Variants in KIF9 observed in about 807,000 individuals in gnomAD.
The protein encoded by KIF9 is kinesin-like protein KIF9.
In KIF9, 68 loss-of-function variants were observed where a neutral mutation model predicts 94.8. The observed-to-expected ratio is 0.72, with a 90% CI of 0.59 to 0.88. The LOEUF is 0.88. Ranked by LOEUF, KIF9 falls within the 40% of genes least tolerant of loss-of-function variation. The probability of loss-of-function intolerance (pLI) is 0.00; values close to 1 mark genes in which losing one functional copy is unlikely to be tolerated. For missense variants in KIF9, 882 were observed against 982.5 expected (o/e 0.90, Z 1.37); for synonymous variants, 343 against 362.1 (o/e 0.95, Z 0.60).
intron 1 of KIF9, among the ~76,000 whole-genome samples, chr3:47,279,097 G>A (rs1466223270): frequency 6.6e-6 from 1 of 150,830 alleles, no homozygotes; most frequent in Non-Finnish European, 1.5e-5. Flanking sequence ...GGAAGCTGAG[G>A]CTGCAGTTAG....
rs144003933 is a variant in KIF9, at chr3:47,239,103, G to A, written c.1924+1698C>T. ...TAATCGCAGCTACTTGGGAGGCTGAGGCAGCAGAATCACTTGAACCCAGGA... is the reference window on the plus strand; with the variant it reads ...TAATCGCAGCTACTTGGGAGGCTGAAGCAGCAGAATCACTTGAACCCAGGA... On this transcript the variant is annotated intron_variant, in intron 17 of 20. Coordinates refer to ENST00000684063, the MANE Select transcript of KIF9 (RefSeq NM_182902.4). Among the ~76,000 whole-genome samples the A allele has an allele frequency of 6.8e-3, 1,031 of 152,300 alleles. 14 individuals carry two copies. Among genetic ancestry groups the A allele is most frequent in the African/African-American group, 0.023 (972 of 41,568 alleles).
intron 10 of KIF9, chr3:47,248,346 C>A: frequency 2.1e-6 from 1 of 465,764 alleles, no homozygotes; most frequent in Non-Finnish European, 3.8e-6. Context: ...ACAGCACAAG[C>A]CACACAGCCA....
chr3:47,276,696 C>T (rs548490137), intron 2 of KIF9, among the ~76,000 whole-genome samples: 2 of 152,256 alleles, frequency 1.3e-5, no homozygotes, highest in African/African-American at 2.4e-5. Context: ...CTTTTCTGAC[C>T]GCTAGGACCT....
chr3:47,275,428 G>C lies in KIF9; in HGVS notation c.156C>G (p.Asp52Glu). ...RRGVVNNQQT[D>E]WSFKLDGVLH... Reference sequence around the variant, plus strand: ...GAACTCCATCCAACTTAAACGACCAGTCTGTCTGTTGGTTATTGACAACTC... The same window carrying C: ...GAACTCCATCCAACTTAAACGACCACTCTGTCTGTTGGTTATTGACAACTC... Residue 52 changes from aspartate (D) to glutamate (E), a missense_variant, in exon 3 of 21, where the codon GAC becomes GAG. Coordinates refer to ENST00000684063, the MANE Select transcript of KIF9 (RefSeq NM_182902.4). 6.2e-7 allele frequency: 1 copy of C among 1,613,146 alleles called. No individual in the cohort carries two copies. Among genetic ancestry groups the C allele is most frequent in the Non-Finnish European group, 8.5e-7 (1 of 1,179,200 alleles).
intron 9 of KIF9, among the ~76,000 whole-genome samples, chr3:47,261,828 C>T (rs1295127998): frequency 1.3e-5 from 2 of 152,206 alleles, no homozygotes; most frequent in Admixed American, 1.3e-4. Flanking sequence ...CTATGCAGGG[C>T]CAAGTCAGAC....
At chr3:47,265,927 C>T in intron 7 of KIF9, 50 bp from the exon 8 acceptor site, 2 of 1,600,784 alleles carry the variant, frequency 1.2e-6, no homozygotes, top group South Asian at 1.1e-5. Flanking sequence ...GCAGCTGCCC[C>T]ACTAAGAATA....
At chr3:47,266,249 C>T (rs1197676863) in intron 7 of KIF9, among the ~76,000 whole-genome samples, 1 of 152,188 alleles carries the variant, frequency 6.6e-6, no homozygotes, top group Non-Finnish European at 1.5e-5. Context: ...AATGCACATA[C>T]AAATGCTCAT....
At chr3:47,239,993 T>C in intron 17 of KIF9, 1 of 1,303,420 alleles carries the variant, frequency 7.7e-7, no homozygotes, top group Non-Finnish European at 1.0e-6. Flanking sequence ...AGAGTTGGAA[T>C]GGTCACTCAC....
intron 10 of KIF9, among the ~76,000 whole-genome samples, chr3:47,256,635 G>A (rs1257796748): frequency 6.6e-6 from 1 of 152,224 alleles, no homozygotes; most frequent in African/African-American, 2.4e-5. Context: ...ACCCCGTCTG[G>A]GAGGTGTGCC....
intron 20 of KIF9, among the ~76,000 whole-genome samples, 198 bp from the exon 21 acceptor site, chr3:47,228,900 A>G (rs1252106824): frequency 6.6e-6 from 1 of 152,232 alleles, no homozygotes; most frequent in Non-Finnish European, 1.5e-5. Context: ...ATCCTAAAGA[A>G]AGTGTGTAAA....
chr3:47,228,121 T>C lies in KIF9; in HGVS notation c.*531A>G. ...AATGAAGGAGGGCCTCCTCCTGTCT[T>C]CTTCACTGGCTCAGAAACACAGAAA... On this transcript the variant is annotated 3_prime_UTR_variant, in exon 21 of 21. Coordinates refer to ENST00000684063, the MANE Select transcript of KIF9 (RefSeq NM_182902.4). 1 of 153,020 alleles carries C rather than the reference T, an allele frequency of 6.5e-6. No homozygotes were observed. The highest frequency in any genetic ancestry group is 2.1e-4 in the South Asian group (1 of 4,862). The allele number at this position is 153,020 out of a possible 1,614,324, so 9.5% of individuals were successfully genotyped here.
At chr3:47,263,682 T>A (rs1701120086) in intron 9 of KIF9, 1 of 355,634 alleles carries the variant, frequency 2.8e-6, no homozygotes, top group African/African-American at 2.1e-5. Context: ...CAGGAAAAGT[T>A]CCCCATCACC....
At chr3:47,239,890 G>A (rs1474394103) in intron 17 of KIF9, 1 of 1,367,944 alleles carries the variant, frequency 7.3e-7, no homozygotes, top group Non-Finnish European at 9.8e-7. Context: ...GCGAGGGAAA[G>A]CCCAGTAACC....
At chr3:47,235,665 A>AG in intron 19 of KIF9, 48 bp from the exon 20 acceptor site, 1 of 1,456,278 alleles carries the variant, frequency 6.9e-7, no homozygotes, top group Non-Finnish European at 9.6e-7. Flanking sequence ...GATATACCCT[A>AG]GCAGAGCCTG....
At chr3:47,267,644 CAG>C (rs1559460755) in intron 5 of KIF9, among the ~76,000 whole-genome samples, 2 of 151,910 alleles carry the variant, frequency 1.3e-5, no homozygotes, top group African/African-American at 4.8e-5. Flanking sequence ...TTTTTAATAA[CAG>C]AGAGAAATGT....
rs147133998 is a variant in KIF9, at chr3:47,256,975, A to C, written c.1059+508T>G. Among the ~76,000 whole-genome samples, 1,073 of 152,124 alleles carry C rather than the reference A, an allele frequency of 7.1e-3. 4 individuals are homozygous for C. Among genetic ancestry groups the C allele is most frequent in the Non-Finnish European group, 0.011 (753 of 68,004 alleles). On this transcript the variant is annotated intron_variant, in intron 10 of 20. Coordinates refer to ENST00000684063, the MANE Select transcript of KIF9 (RefSeq NM_182902.4). ...TCTTTAAGAGTCATCACCACTCCCTAATCTCAAGTACCCGGAGACACAAAC... is the reference window on the plus strand; with the variant it reads ...TCTTTAAGAGTCATCACCACTCCCTCATCTCAAGTACCCGGAGACACAAAC...
Position 47,245,438 on chromosome 3 carries a change from T to C in KIF9, c.1363A>G (p.Ile455Val). ...ATGCTTACCTTCTGGATAGCAGAAA[T>C]GGCTGCAAAGTCATTCCTGTCAATG... ...TLIDRNDFAA[I>V]SAIQKAGLVD... The change falls in exon 14 of 21, where the codon ATT becomes GTT. Residue 455 changes from isoleucine to valine, a missense_variant. Ile to Val is a conservative substitution (Grantham distance 29, BLOSUM62 3). Coordinates refer to ENST00000684063, the MANE Select transcript of KIF9 (RefSeq NM_182902.4). 1 of 1,613,928 alleles carries C rather than the reference T, an allele frequency of 6.2e-7. No homozygotes were observed. Among genetic ancestry groups the C allele is most frequent in the Non-Finnish European group, 8.5e-7 (1 of 1,179,854 alleles).
chr3:47,260,828 G>T (rs1041470738), intron 9 of KIF9, among the ~76,000 whole-genome samples: 3 of 152,190 alleles, frequency 2.0e-5, no homozygotes, highest in African/African-American at 7.2e-5. Flanking sequence ...GGGGCCAGAG[G>T]AGTAGTTTGC....
At position 47,278,076 on chromosome 3, in the gene KIF9, CA is replaced by C. The variant is rs551422752; in HGVS notation, c.-5-698del. On this transcript the variant is annotated intron_variant, in intron 1 of 20. Coordinates refer to ENST00000684063, the MANE Select transcript of KIF9 (RefSeq NM_182902.4). ...GGAAGACATAGGACATATATACATA[CA>C]TTTTTTTTTTTTGAGACAGAGTCTC... Among the ~76,000 whole-genome samples the C allele has an allele frequency of 6.4e-4, 97 of 151,538 alleles. 1 individual carries two copies. The highest frequency in any genetic ancestry group is 2.2e-3 in the African/African-American group (92 of 41,312).
Sources: allele counts gnomAD v4.1 joint callset (sites outside exome capture counted in the v4.1 genomes callset), GRCh38; gene constraint gnomAD v4.1.1; transcripts MANE v1.5; gene names NCBI Gene and HGNC (gene_info 2026-07-23, HGNC 2026-07-21).